Variants in MSRA observed in about 807,000 individuals in gnomAD.
MSRA encodes methionine sulfoxide reductase A.
A neutral mutation model predicts 31.3 loss-of-function variants in MSRA; 54 were observed. The ratio of observed to expected loss-of-function variants is 1.73; its 90% confidence interval spans 1.39 to 2.17. The LOEUF (loss-of-function observed/expected upper bound fraction) is 2.17, where lower values mean the gene tolerates loss of function less well. MSRA is among the 30% of genes most tolerant of loss of function. The pLI is 0.00. For missense variants in MSRA, 507 were observed against 300.9 expected, an observed-to-expected ratio of 1.69 and a Z score of -5.07; for synonymous variants, 169 against 116.5, an observed-to-expected ratio of 1.45 and a Z score of -2.90.
At chr8:10,408,555 T>C (rs1251038759) in intron 5 of MSRA, among the ~76,000 whole-genome samples, 3 of 152,040 alleles carry the variant, frequency 2.0e-5, no homozygotes, top group South Asian at 2.1e-4. Flanking sequence ...AAATAAGTAA[T>C]AGAGGAGTAG....
chr8:10,395,196 G>C (rs1002653993), intron 5 of MSRA, among the ~76,000 whole-genome samples: 1 of 152,170 alleles, frequency 6.6e-6, no homozygotes, highest in Non-Finnish European at 1.5e-5. Context: ...TCCTATTTAA[G>C]AGTGTGCTTT....
rs550884912 is a variant in MSRA at position 10,102,555 on chromosome 8, C to G, written c.142+47897C>G. On this transcript the variant is annotated intron_variant, in intron 1 of 5. Transcript: ENST00000317173. ...TGTTTATAATGGCTACTTTCAAATC[C>G]TTGTCAGATAATTCCAACATCTGTG... Among the ~76,000 whole-genome samples the G allele has an allele frequency of 3.9e-5, 6 of 152,282 alleles. No homozygotes were observed. In the South Asian group the frequency reaches 1.0e-3, roughly 26 times the overall value.
intron 4 of MSRA, among the ~76,000 whole-genome samples, chr8:10,310,369 C>G (rs1480009372): frequency 6.6e-6 from 1 of 152,186 alleles, no homozygotes; most frequent in Non-Finnish European, 1.5e-5. Flanking sequence ...ATTAATTGTT[C>G]TTTCAGTCAC....
At chr8:10,388,808 C>T (rs373716659) in intron 5 of MSRA, among the ~76,000 whole-genome samples, 4 of 151,896 alleles carry the variant, frequency 2.6e-5, no homozygotes, top group Admixed American at 1.3e-4. Flanking sequence ...GGATGTTGAC[C>T]GGCATCGCTG....
At chr8:10,244,631 T>C (rs1797517005) in intron 2 of MSRA, among the ~76,000 whole-genome samples, 1 of 152,216 alleles carries the variant, frequency 6.6e-6, no homozygotes, top group African/African-American at 2.4e-5. Flanking sequence ...ACATTGTTAA[T>C]TGGAAATATG....
intron 5 of MSRA, among the ~76,000 whole-genome samples, chr8:10,368,151 C>T (rs1468912348): frequency 2.0e-5 from 3 of 152,156 alleles, no homozygotes; most frequent in African/African-American, 7.2e-5. Flanking sequence ...TGATCCAGAT[C>T]GTGGGACAAG....
chr8:10,361,507 C>A (rs1447843435), intron 5 of MSRA, among the ~76,000 whole-genome samples: 1 of 152,168 alleles, frequency 6.6e-6, no homozygotes, highest in African/African-American at 2.4e-5. Flanking sequence ...CTATAAGACT[C>A]ATACGTCCTG....
chr8:10,156,374 G>A (rs147714906), intron 1 of MSRA, among the ~76,000 whole-genome samples: 1 of 152,138 alleles, frequency 6.6e-6, no homozygotes, highest in African/African-American at 2.4e-5. Flanking sequence ...GGATTACTTA[G>A]GGTGAAATTT....
intron 1 of MSRA, among the ~76,000 whole-genome samples, chr8:10,192,773 G>T (rs920175179): frequency 1.3e-5 from 2 of 152,226 alleles, no homozygotes; most frequent in Admixed American, 1.3e-4. Context: ...TGTAAATGGT[G>T]CTCAGGGTCC....
chr8:10,294,046 A>G (rs554028040), intron 3 of MSRA, among the ~76,000 whole-genome samples: 8 of 152,162 alleles, frequency 5.3e-5, no homozygotes, highest in Admixed American at 5.2e-4. Flanking sequence ...TCTACTAAAA[A>G]TACAAAAACC....
intron 4 of MSRA, among the ~76,000 whole-genome samples, chr8:10,302,778 T>C (rs1800918115): frequency 6.6e-6 from 1 of 152,200 alleles, no homozygotes; most frequent in African/African-American, 2.4e-5. Context: ...ACGATTTCCA[T>C]GACCACAAAG....
intron 1 of MSRA, among the ~76,000 whole-genome samples, chr8:10,159,120 G>C (rs1269073449): frequency 6.6e-6 from 1 of 152,224 alleles, no homozygotes; most frequent in Non-Finnish European, 1.5e-5. Context: ...GGCCAAGGTA[G>C]TGGCAGTAAG....
chr8:10,337,861 A>T (rs993727795), intron 5 of MSRA: 2 of 700,370 alleles, frequency 2.9e-6, no homozygotes, highest in Non-Finnish European at 5.2e-6. Context: ...ATCAGTTTGT[A>T]AAGTGGTCCT....
rs1361513262 is a variant in MSRA at position 10,054,410 on chromosome 8, T to G, written c.-107T>G. 241 of 132,846 alleles carry G rather than the reference T, an allele frequency of 1.8e-3. No homozygotes were observed. Among genetic ancestry groups the G allele is most frequent in the Middle Eastern group, 2.7e-3 (1 of 374 alleles). 8.2% of individuals were successfully genotyped at this position (132,846 alleles called of 1,614,324 possible). A position where few individuals can be genotyped will look rare whatever the true frequency, so the allele number is the denominator to read the frequency against. ...CCCCGCGCCCGCCCGCCCGCGCCCCTGCCGCCCCCCGGTTCCGGCCGCGGA... is the reference window on the plus strand; with the variant it reads ...CCCCGCGCCCGCCCGCCCGCGCCCCGGCCGCCCCCCGGTTCCGGCCGCGGA... On this transcript the variant is annotated 5_prime_UTR_variant, in exon 1 of 6. Coordinates refer to ENST00000317173, the MANE Select transcript of MSRA (RefSeq NM_012331.5).
intron 1 of MSRA, among the ~76,000 whole-genome samples, chr8:10,095,114 C>T (rs1799064536): frequency 6.6e-6 from 1 of 152,218 alleles, no homozygotes; most frequent in Admixed American, 6.5e-5. Flanking sequence ...TCTATTCTCC[C>T]ATGAGTCTTT....
intron 1 of MSRA, among the ~76,000 whole-genome samples, chr8:10,172,382 T>C (rs548016518): frequency 6.6e-6 from 1 of 152,208 alleles, no homozygotes; most frequent in African/African-American, 2.4e-5. Context: ...GCTCCTGGGC[T>C]TCATTCTGGC....
intron 1 of MSRA, among the ~76,000 whole-genome samples, chr8:10,163,566 G>T (rs1288204677): frequency 6.6e-6 from 1 of 152,212 alleles, no homozygotes; most frequent in Non-Finnish European, 1.5e-5. Flanking sequence ...TCCTGTTTCT[G>T]CCCCACGCTG....
chr8:10,145,115 G>C (rs1585024932), intron 1 of MSRA, among the ~76,000 whole-genome samples: 1 of 152,272 alleles, frequency 6.6e-6, no homozygotes, highest in African/African-American at 2.4e-5. Flanking sequence ...ATTGCTATTA[G>C]CATACTGAAA....
At chr8:10,408,043 C>T (rs559720967) in intron 5 of MSRA, among the ~76,000 whole-genome samples, 4 of 152,248 alleles carry the variant, frequency 2.6e-5, no homozygotes, top group Non-Finnish European at 5.9e-5. Flanking sequence ...ACACCACATT[C>T]TAATTTTGTT....
Sources: gnomAD v4.1 joint callset for allele counts (sites outside exome capture counted in the v4.1 genomes callset) on GRCh38, gnomAD v4.1.1 for gene constraint, MANE v1.5 for transcripts, NCBI Gene and HGNC (gene_info 2026-07-23, HGNC 2026-07-21) for gene names.